TYR: variants seen among roughly 807,000 people sequenced by gnomAD.
The protein encoded by TYR is tyrosinase, also known as LB24-AB.
Under a neutral mutation model 51.5 loss-of-function variants are expected in TYR, and 58 were observed. The observed-to-expected ratio is 1.13, with a 90% confidence interval of 0.91 to 1.40. TYR has a LOEUF of 1.40. TYR is among the 40% of genes most tolerant of loss of function. The pLI, the probability that TYR is intolerant of heterozygous loss-of-function variation, is 0.00. For synonymous variants in TYR, 263 were observed against 235.2 expected (o/e 1.12, Z -1.08); for missense variants, 732 against 647.4 (o/e 1.13, Z -1.42).
chr11:89,208,295 AG>A, intron 2 of TYR, among the ~76,000 whole-genome samples: 1 of 152,340 alleles, frequency 6.6e-6, no homozygotes, highest in African/African-American at 2.4e-5. Context: ...GTTTTTAAAA[AG>A]ACAAAGTTCT....
At chr11:89,243,586 A>G (rs924270769) in intron 3 of TYR, among the ~76,000 whole-genome samples, 11 of 152,314 alleles carry the variant, frequency 7.2e-5, no homozygotes, top group African/African-American at 1.7e-4. Context: ...TATAATTTCA[A>G]TTCTCATTTT....
intron 3 of TYR, among the ~76,000 whole-genome samples, chr11:89,232,392 C>T (rs78219407): frequency 0.042 from 6,019 of 143,122 alleles, 1,467 homozygotes; most frequent in African/African-American, 0.16. Flanking sequence ...TGATGTCCTT[C>T]GCAGCATCGT....
Position 89,232,694 on chromosome 11 carries a change from G to A in TYR, c.1184+4724G>A, listed in dbSNP as rs554666215. ...TGTAGCTAACCTACACATGTCCCCC[G>A]ATTCTAAAATAAAAGTTGAAAAAAA... On this transcript the variant is annotated intron_variant, in intron 3 of 4. Transcript: ENST00000263321. 4.3e-4 allele frequency among the ~76,000 whole-genome samples: 60 copies of A among 140,476 alleles called. 13 individuals carry two copies. The highest frequency in any genetic ancestry group is 1.7e-3 in the African/African-American group (59 of 35,006). The allele number at this position is 140,476 out of a possible 152,430, so 92.2% of individuals were successfully genotyped here.
intron 3 of TYR, among the ~76,000 whole-genome samples, chr11:89,252,111 AT>A (rs1944338005): frequency 6.6e-6 from 1 of 151,742 alleles, no homozygotes; most frequent in African/African-American, 2.4e-5. Context: ...TATTTGATTT[AT>A]TTTTAAGATA....
At chr11:89,278,217 T>A (rs1390996548) in intron 3 of TYR, among the ~76,000 whole-genome samples, 1 of 151,694 alleles carries the variant, frequency 6.6e-6, no homozygotes, top group Non-Finnish European at 1.5e-5. Context: ...CATCAAAGAC[T>A]TTTCCTCAGG....
At chr11:89,249,175 AGGTT>A (rs1944303267) in intron 3 of TYR, among the ~76,000 whole-genome samples, 1 of 152,132 alleles carries the variant, frequency 6.6e-6, no homozygotes, top group African/African-American at 2.4e-5. Flanking sequence ...AGAGAGAACC[AGGTT>A]AGATACATGT....
chr11:89,211,083 T>C (rs576303450), intron 2 of TYR, among the ~76,000 whole-genome samples: 119 of 152,252 alleles, frequency 7.8e-4, no homozygotes, highest in Non-Finnish European at 1.3e-3. Flanking sequence ...GTTAGCATCA[T>C]AATGGCAGGA....
At chr11:89,286,375 A>G (rs1432126137) in intron 4 of TYR, among the ~76,000 whole-genome samples, 2 of 151,878 alleles carry the variant, frequency 1.3e-5, no homozygotes, top group East Asian at 1.9e-4. Flanking sequence ...CCAGTTTATA[A>G]TAGTTCACAC....
intron 1 of TYR, among the ~76,000 whole-genome samples, chr11:89,182,463 A>T (rs1943313998): frequency 6.6e-6 from 1 of 152,128 alleles, no homozygotes; most frequent in African/African-American, 2.4e-5. Context: ...GTAGTTCCAT[A>T]TGTATGTCTG....
intron 3 of TYR, among the ~76,000 whole-genome samples, chr11:89,258,553 C>T (rs1166020806): frequency 1.3e-5 from 2 of 151,688 alleles, no homozygotes; most frequent in African/African-American, 4.8e-5. Flanking sequence ...GATTTATGAT[C>T]ATCTTCTTTG....
At chr11:89,265,578 T>G (rs924984298) in intron 3 of TYR, among the ~76,000 whole-genome samples, 6 of 152,088 alleles carry the variant, frequency 3.9e-5, no homozygotes, top group African/African-American at 1.4e-4. Flanking sequence ...TGGTTTATAT[T>G]CTGGAGTCTT....
intron 4 of TYR, among the ~76,000 whole-genome samples, chr11:89,291,530 T>A (rs1456332857): frequency 1.3e-5 from 2 of 151,960 alleles, no homozygotes; most frequent in Admixed American, 6.6e-5. Context: ...AAAAATCAAC[T>A]GTAATCTTAT....
chr11:89,230,285 C>G (rs920305550), intron 3 of TYR, among the ~76,000 whole-genome samples: 3 of 152,084 alleles, frequency 2.0e-5, no homozygotes, highest in African/African-American at 7.2e-5. Flanking sequence ...GGGGAAAGGA[C>G]AGTGTCTGCA....
intron 2 of TYR, among the ~76,000 whole-genome samples, chr11:89,213,257 A>T (rs1031209407): frequency 1.4e-4 from 21 of 152,216 alleles, no homozygotes; most frequent in African/African-American, 4.8e-4. Flanking sequence ...TACAAAATCA[A>T]TGTGCAAAAA....
At chr11:89,210,339 C>A (rs80217844) in intron 2 of TYR, among the ~76,000 whole-genome samples, 3,840 of 147,776 alleles carry the variant, frequency 0.026, 174 homozygotes, top group African/African-American at 0.095. Flanking sequence ...GCTTCAATAG[C>A]AGATTCAATC....
chr11:89,198,769 A>ATATATATATATATATATTT (rs951676764), intron 2 of TYR, among the ~76,000 whole-genome samples: 53 of 151,084 alleles, frequency 3.5e-4, no homozygotes, highest in African/African-American at 1.3e-3. Flanking sequence ...ATATATATAT[A>ATATATATATATATATATTT]TTTTTATACT....
At chr11:89,254,540 A>T (rs995191349) in intron 3 of TYR, among the ~76,000 whole-genome samples, 4 of 151,424 alleles carry the variant, frequency 2.6e-5, no homozygotes, top group African/African-American at 9.7e-5. Flanking sequence ...ATTCTTCCTG[A>T]TTTAGTCTAG....
At chr11:89,229,018 A>G (rs753741805) in intron 3 of TYR, among the ~76,000 whole-genome samples, 1 of 152,144 alleles carries the variant, frequency 6.6e-6, no homozygotes, top group Non-Finnish European at 1.5e-5. Flanking sequence ...TAATACTATC[A>G]TCCTCTTGGG....
intron 4 of TYR, chr11:89,294,138 T>A (rs980087480): frequency 6.5e-6 from 1 of 154,548 alleles, no homozygotes; most frequent in African/African-American, 2.4e-5. Context: ...CCCTTAAACT[T>A]CAGGAAATGC....
Sources: gnomAD v4.1 joint callset for allele counts (sites outside exome capture counted in the v4.1 genomes callset) on GRCh38, gnomAD v4.1.1 for gene constraint, MANE v1.5 for transcripts, NCBI Gene and HGNC (gene_info 2026-07-23, HGNC 2026-07-21) for gene names.